The following CNOT6L variants were observed in gnomAD, a reference collection of about 807,000 sequenced individuals.
CNOT6L encodes the protein CCR4-NOT transcription complex subunit 6-like.
Under a neutral mutation model 64.0 loss-of-function variants are expected in CNOT6L, and 7 were observed. That is an observed-to-expected ratio of 0.11 (90% confidence interval 0.06 to 0.21). The LOEUF is 0.21. CNOT6L is among the 10% of genes least tolerant of loss of function. CNOT6L has a pLI of 1.00. For missense variants in CNOT6L, 245 were observed against 669.0 expected (o/e 0.37, Z 6.99); for synonymous variants, 193 against 243.4 (o/e 0.79, Z 1.93).
intron 5 of CNOT6L, among the ~76,000 whole-genome samples, chr4:77,750,186 T>C (rs1366128505): frequency 1.3e-5 from 2 of 152,172 alleles, no homozygotes; most frequent in African/African-American, 4.8e-5. Flanking sequence ...TTTTTGTATG[T>C]AAATGCCTAC....
intron 1 of CNOT6L, among the ~76,000 whole-genome samples, chr4:77,798,131 G>A (rs1157293446): frequency 6.6e-6 from 1 of 152,080 alleles, no homozygotes; most frequent in Non-Finnish European, 1.5e-5. Context: ...TTCAAGACCA[G>A]CCTGGGCAAA....
chr4:77,792,066 T>C (rs561164340), intron 1 of CNOT6L, among the ~76,000 whole-genome samples: 9 of 152,208 alleles, frequency 5.9e-5, no homozygotes, highest in Non-Finnish European at 1.3e-4. Flanking sequence ...CATTTATAAA[T>C]GCCCATGGAT....
intron 1 of CNOT6L, among the ~76,000 whole-genome samples, chr4:77,779,228 T>C (rs1209221282): frequency 6.6e-6 from 1 of 152,012 alleles, no homozygotes; most frequent in Non-Finnish European, 1.5e-5. Context: ...AGGAAGCACA[T>C]AACATGTATT....
At chr4:77,761,492 T>A (rs1434394452) in intron 4 of CNOT6L, among the ~76,000 whole-genome samples, 1 of 152,222 alleles carries the variant, frequency 6.6e-6, no homozygotes, top group Non-Finnish European at 1.5e-5. Flanking sequence ...AACAGAAACG[T>A]TTTGAGTTCT....
chr4:77,758,815 G>A (rs531086423), intron 4 of CNOT6L, among the ~76,000 whole-genome samples: 1 of 152,132 alleles, frequency 6.6e-6, no homozygotes, highest in East Asian at 1.9e-4. Context: ...TCCAAAAGGG[G>A]GCAAGAGAAA....
chr4:77,726,288 A>T lies in CNOT6L; in HGVS notation c.1334T>A (p.Met445Lys), dbSNP rs572736871. 6.2e-7 allele frequency: 1 copy of T among 1,613,862 alleles called. No homozygotes were observed. The highest frequency in any genetic ancestry group is 1.7e-5 in the Admixed American group (1 of 60,010). Residue 445 changes from methionine (M) to lysine (K), a missense_variant, in exon 11 of 12, where the codon ATG (methionine) becomes AAG (lysine). This residue lies in a region of CNOT6L where 20 missense variants were observed against 38.3 expected (regional missense o/e 0.52). Coordinates refer to ENST00000504123, the MANE Select transcript of CNOT6L (RefSeq NM_144571.3). ...FKELRYNECLMNFSCNGKNGS... is the reference protein window; with the variant it reads ...FKELRYNECLKNFSCNGKNGS... ...ATTCTTTCCATTGCAGCTGAAGTTCATAAGACACTCATTGTACCTTAGTTC... is the reference window on the plus strand; with the variant it reads ...ATTCTTTCCATTGCAGCTGAAGTTCTTAAGACACTCATTGTACCTTAGTTC...
In CNOT6L at chr4:77,755,223, G is replaced by GT. The variant is rs869054667; in HGVS notation, c.490+1638dup. Among the ~76,000 whole-genome samples the GT allele has an allele frequency of 9.8e-4, 69 of 70,434 alleles. 11 individuals are homozygous for GT. The highest frequency in any genetic ancestry group is 2.5e-3 in the East Asian group (5 of 2,032). 46.2% of individuals were successfully genotyped at this position (70,434 alleles called of 152,430 possible). A position where few individuals can be genotyped will look rare whatever the true frequency, so the allele number is the denominator to read the frequency against. On this transcript the variant is annotated intron_variant, in intron 5 of 11. Transcript: ENST00000504123. ...ACTGGCTACATCTATAGAGACAAGA[G>GT]TTTTTTTTTTTTTTTTTTTTTTTTT...
intron 1 of CNOT6L, among the ~76,000 whole-genome samples, chr4:77,804,189 A>G (rs1731951812): frequency 6.6e-6 from 1 of 152,202 alleles, no homozygotes; most frequent in Non-Finnish European, 1.5e-5. Flanking sequence ...GCACTTTGGG[A>G]GGCCAAGGTG....
intron 4 of CNOT6L, among the ~76,000 whole-genome samples, chr4:77,772,558 T>A (rs972252764): frequency 1.3e-5 from 2 of 151,990 alleles, no homozygotes; most frequent in African/African-American, 4.8e-5. Flanking sequence ...AACCAAAAAA[T>A]TTTCCCCTTA....
rs1577971454 is a variant in CNOT6L, at chr4:77,774,691, T to C, written c.153A>G (p.Ser51=). ...CTGTCAAGTGTGTCAATGACCAAAGTGATGTACTTAGGCTCCGCACTCTAC... is the reference window on the plus strand; with the variant it reads ...CTGTCAAGTGTGTCAATGACCAAAGCGATGTACTTAGGCTCCGCACTCTAC... ...ISGRVRSLST[S]LWSLTHLTAL... Residue 51 remains serine, a synonymous_variant, in exon 3 of 12, where the codon TCA becomes TCG. Transcript: ENST00000504123. 1 of 1,610,130 alleles carries C rather than the reference T, an allele frequency of 6.2e-7. No homozygotes were observed. The highest frequency in any genetic ancestry group is 1.1e-5 in the South Asian group (1 of 90,476).
intron 1 of CNOT6L, among the ~76,000 whole-genome samples, chr4:77,794,041 A>T (rs1468567906): frequency 2.8e-5 from 4 of 142,982 alleles, no homozygotes; most frequent in Admixed American, 7.5e-5. Flanking sequence ...AATCCCAGTT[A>T]CTTGGGAGGG....
chr4:77,764,722 T>C (rs766505549), intron 4 of CNOT6L, among the ~76,000 whole-genome samples: 2 of 152,184 alleles, frequency 1.3e-5, no homozygotes, highest in South Asian at 2.1e-4. Flanking sequence ...CTCGGAATTA[T>C]GAATGGCTCT....
intron 1 of CNOT6L, among the ~76,000 whole-genome samples, chr4:77,794,905 A>G (rs1008050328): frequency 6.6e-6 from 1 of 152,184 alleles, no homozygotes; most frequent in Non-Finnish European, 1.5e-5. Flanking sequence ...ATCTAACAGA[A>G]TTAATGAATA....
chr4:77,721,596 T>A (rs1026561787), intron 11 of CNOT6L, among the ~76,000 whole-genome samples: 16 of 152,206 alleles, frequency 1.1e-4, no homozygotes, highest in Non-Finnish European at 2.4e-4. Flanking sequence ...CAAATTTTTT[T>A]ATTGTGAGAT....
At chr4:77,760,887 T>TTTTTTTTTTTTTTTTC (rs1726147929) in intron 4 of CNOT6L, among the ~76,000 whole-genome samples, 1 of 100,366 alleles carries the variant, frequency 1.0e-5, no homozygotes, top group African/African-American at 3.4e-5. Context: ...TTTTTTTTTT[T>TTTTTTTTTTTTTTTTC]TTTTTTTTAA....
intron 11 of CNOT6L, among the ~76,000 whole-genome samples, chr4:77,721,302 C>T (rs1721250896): frequency 6.6e-6 from 1 of 152,276 alleles, no homozygotes; most frequent in African/African-American, 2.4e-5. Flanking sequence ...GGAAGCCATA[C>T]ATAGCAGTTT....
intron 2 of CNOT6L, among the ~76,000 whole-genome samples, chr4:77,775,963 T>A (rs1728095550): frequency 6.6e-6 from 1 of 152,158 alleles, no homozygotes; most frequent in African/African-American, 2.4e-5. Flanking sequence ...TGGCAAAGAT[T>A]TCAATTTGCA....
intron 1 of CNOT6L, among the ~76,000 whole-genome samples, chr4:77,788,265 T>C (rs1405370473): frequency 6.6e-6 from 1 of 152,160 alleles, no homozygotes; most frequent in African/African-American, 2.4e-5. Context: ...TAAAAAGACA[T>C]ATTTATATGA....
At chr4:77,777,375 T>C (rs1439494940) in intron 1 of CNOT6L, among the ~76,000 whole-genome samples, 2 of 152,238 alleles carry the variant, frequency 1.3e-5, no homozygotes, top group Non-Finnish European at 2.9e-5. Flanking sequence ...ATAACTATAC[T>C]GTGCCATCTT....
Sources: allele counts gnomAD v4.1 joint callset (sites outside exome capture counted in the v4.1 genomes callset), GRCh38; gene constraint gnomAD v4.1.1; regional missense constraint gnomAD v4.1.1; transcripts MANE v1.5; gene names NCBI Gene and HGNC (gene_info 2026-07-23, HGNC 2026-07-21).